Variants in SH3KBP1 observed in about 807,000 individuals in gnomAD.
SH3KBP1 encodes the protein SH3 domain containing kinase binding protein 1.
SH3KBP1 carries 8 observed loss-of-function variants against 50.1 expected under a neutral mutation model. That is an observed-to-expected ratio of 0.16 (90% confidence interval 0.09 to 0.29). The LOEUF (loss-of-function observed/expected upper bound fraction) is 0.29. Ranked by LOEUF, SH3KBP1 falls within the 10% of genes least tolerant of loss-of-function variation. The pLI is 1.00. For missense variants in SH3KBP1, 377 were observed against 535.2 expected, an observed-to-expected ratio of 0.70 and a Z score of 2.92; for synonymous variants, 227 against 218.6, an observed-to-expected ratio of 1.04 and a Z score of -0.34.
intron 6 of SH3KBP1, among the ~76,000 whole-genome samples, chrX:19,669,328 T>TAATA (rs1448152527): frequency 1.0e-5 from 1 of 95,923 alleles, no homozygotes. Flanking sequence ...TAATAATAAT[T>TAATA]ATTATTATTA....
intron 2 of SH3KBP1, among the ~76,000 whole-genome samples, chrX:19,755,154 G>A (rs760583364): frequency 4.4e-4 from 49 of 111,348 alleles, no homozygotes; most frequent in Non-Finnish European, 8.7e-4. Context: ...CGGATCACGA[G>A]GTCAGGAGTT....
chrX:19,555,255 C>T (rs1290518765), intron 13 of SH3KBP1, among the ~76,000 whole-genome samples: 2 of 112,391 alleles, frequency 1.8e-5, no homozygotes, highest in Non-Finnish European at 3.8e-5. Context: ...AAACTCTCTG[C>T]AGACATACGG....
At chrX:19,653,832 C>G (rs2062201295) in intron 6 of SH3KBP1, among the ~76,000 whole-genome samples, 1 of 103,326 alleles carries the variant, frequency 9.7e-6, no homozygotes, top group Non-Finnish European at 2.0e-5. Context: ...AACAGCTGTT[C>G]ATATAAATTC....
chrX:19,863,124 A>G (rs1413516713), intron 1 of SH3KBP1, among the ~76,000 whole-genome samples: 1 of 112,202 alleles, frequency 8.9e-6, no homozygotes, highest in Non-Finnish European at 1.9e-5. Flanking sequence ...ATCTGCCTTG[A>G]ATGTCTCTTT....
intron 2 of SH3KBP1, among the ~76,000 whole-genome samples, chrX:19,828,163 T>C (rs1179488316): frequency 2.7e-5 from 3 of 111,270 alleles, no homozygotes; most frequent in Non-Finnish European, 5.7e-5. Flanking sequence ...CTGGTAGAGA[T>C]GATAACCCCA....
At chrX:19,720,892 G>A (rs1302412098) in intron 3 of SH3KBP1, among the ~76,000 whole-genome samples, 1 of 110,955 alleles carries the variant, frequency 9.0e-6, no homozygotes, top group Admixed American at 9.6e-5. Flanking sequence ...GGGTTGTGGG[G>A]GTGGGAGATA....
intron 9 of SH3KBP1, among the ~76,000 whole-genome samples, chrX:19,602,922 G>A (rs769924097): frequency 5.0e-4 from 56 of 111,815 alleles, no homozygotes; most frequent in African/African-American, 1.8e-3. Flanking sequence ...AATCGAGCAA[G>A]AGACTTCCTT....
chrX:19,807,941 T>C (rs771056324), intron 2 of SH3KBP1, among the ~76,000 whole-genome samples: 1 of 112,409 alleles, frequency 8.9e-6, no homozygotes, highest in African/African-American at 3.2e-5. Context: ...AGTGTGGAAC[T>C]GATATTAATC....
intron 2 of SH3KBP1, among the ~76,000 whole-genome samples, chrX:19,770,411 A>G (rs972473572): frequency 2.7e-5 from 3 of 112,299 alleles, no homozygotes; most frequent in African/African-American, 9.7e-5. Flanking sequence ...CATGGTGTAT[A>G]TATACCATAT....
chrX:19,596,938 T>C (rs1414621030), intron 9 of SH3KBP1, among the ~76,000 whole-genome samples: 2 of 111,272 alleles, frequency 1.8e-5, no homozygotes, highest in East Asian at 2.8e-4. Context: ...TCCCTGAGGG[T>C]TGGAATCAAC....
chrX:19,860,280 T>C (rs1170172540), intron 1 of SH3KBP1, among the ~76,000 whole-genome samples: 4 of 41,359 alleles, frequency 9.7e-5, no homozygotes, highest in Non-Finnish European at 1.3e-4. Flanking sequence ...ATCCCACCTC[T>C]AAAAAAAAAA....
intron 9 of SH3KBP1, among the ~76,000 whole-genome samples, chrX:19,604,368 T>C (rs1325774864): frequency 8.9e-6 from 1 of 112,059 alleles, no homozygotes; most frequent in Non-Finnish European, 1.9e-5. Context: ...GAAAGAAAGA[T>C]GGCCAGGAAT....
At chrX:19,554,704 A>G (rs1309150150) in intron 13 of SH3KBP1, among the ~76,000 whole-genome samples, 1 of 111,730 alleles carries the variant, frequency 9.0e-6, no homozygotes, top group Non-Finnish European at 1.9e-5. Flanking sequence ...ACCCAGCTTA[A>G]TGCACATTTC....
chrX:19,808,631 C>A (rs2067120627), intron 2 of SH3KBP1, among the ~76,000 whole-genome samples: 1 of 111,470 alleles, frequency 9.0e-6, no homozygotes. Context: ...AGACTTCACA[C>A]TCTCAAGTTA....
At chrX:19,598,446 A>G (rs990582826) in intron 9 of SH3KBP1, among the ~76,000 whole-genome samples, 1 of 111,045 alleles carries the variant, frequency 9.0e-6, no homozygotes, top group Non-Finnish European at 1.9e-5. Context: ...AGCACTTTTA[A>G]TTTCCTTCAC....
intron 2 of SH3KBP1, among the ~76,000 whole-genome samples, chrX:19,819,820 C>G (rs2067471048): frequency 9.0e-6 from 1 of 111,409 alleles, no homozygotes; most frequent in Non-Finnish European, 1.9e-5. Flanking sequence ...GATCTGAGAA[C>G]ATTCCTCCAT....
intron 8 of SH3KBP1, among the ~76,000 whole-genome samples, chrX:19,630,437 T>C (rs974929751): frequency 8.9e-6 from 1 of 112,423 alleles, no homozygotes; most frequent in Non-Finnish European, 1.9e-5. Flanking sequence ...GGAAATGCAC[T>C]GTGTGTCAGA....
chrX:19,733,775 T>TAA (rs1055980472), intron 3 of SH3KBP1, among the ~76,000 whole-genome samples: 1 of 101,933 alleles, frequency 9.8e-6, no homozygotes, highest in Non-Finnish European at 2.0e-5. Flanking sequence ...CACCAACCAG[T>TAA]AAAAAAAAAA....
intron 2 of SH3KBP1, among the ~76,000 whole-genome samples, chrX:19,808,181 CAAGTCTCAGTCTCT>C (rs1357091953): frequency 1.8e-5 from 2 of 110,798 alleles, no homozygotes; most frequent in African/African-American, 6.6e-5. Flanking sequence ...TCTAATATTT[CAAGTCTCAGTCTCT>C]AAAATATACA....
Sources: gnomAD v4.1 joint callset for allele counts (sites outside exome capture counted in the v4.1 genomes callset) on GRCh38, gnomAD v4.1.1 for gene constraint, MANE v1.5 for transcripts, NCBI Gene and HGNC (gene_info 2026-07-23, HGNC 2026-07-21) for gene names.